Variants in TMEM187 observed in about 807,000 individuals in gnomAD.
The protein encoded by TMEM187 is chromosome X open reading frame 12.
In TMEM187, 14 loss-of-function variants were observed where a neutral mutation model predicts 11.8. The observed-to-expected ratio is 1.18, with a 90% confidence interval of 0.78 to 1.85. The LOEUF is 1.85. TMEM187 is among the 40% of genes most tolerant of loss of function. The pLI is 0.00. For synonymous variants in TMEM187, 112 were observed against 118.5 expected (o/e 0.95, Z 0.36); for missense variants, 227 against 243.9 (o/e 0.93, Z 0.46).
At chrX:153,979,790 G>T (rs2065592266) in intron 1 of TMEM187, among the ~76,000 whole-genome samples, 1 of 97,604 alleles carries the variant, frequency 1.0e-5, no homozygotes, top group Admixed American at 1.1e-4. Context: ...AGGTTGGAGT[G>T]CAGTGGCGCG....
intron 1 of TMEM187, among the ~76,000 whole-genome samples, chrX:153,976,813 A>G (rs782193443): frequency 3.6e-5 from 4 of 111,962 alleles, no homozygotes; most frequent in Non-Finnish European, 7.5e-5. Flanking sequence ...GTGAGCTGCA[A>G]TCACACCACT....
rs1557120844 is a variant in TMEM187, at chrX:153,972,850, G to A, written c.-224G>A. 2 of 112,406 alleles carry A rather than the reference G, an allele frequency of 1.8e-5. No individual in the cohort carries two copies. Among genetic ancestry groups the A allele is most frequent in the Admixed American group, 1.9e-4 (2 of 10,722 alleles). 9.3% of individuals were successfully genotyped at this position (112,406 alleles called of 1,213,427 possible). On this transcript the variant is annotated 5_prime_UTR_variant, in exon 1 of 2. Coordinates refer to ENST00000369982, the MANE Select transcript of TMEM187 (RefSeq NM_003492.3). ...CCGTATGGTGATAGCTGGCCTTTTCGCGCCAATACTGTAAGTGCTCACCGC... is the reference window on the plus strand; with the variant it reads ...CCGTATGGTGATAGCTGGCCTTTTCACGCCAATACTGTAAGTGCTCACCGC...
chrX:153,982,659 C>T lies in TMEM187; in HGVS notation c.597C>T (p.Leu199=). The T allele has an allele frequency of 8.2e-7, 1 of 1,212,429 alleles. No homozygotes were observed. The highest frequency in any genetic ancestry group is 1.8e-5 in the South Asian group (1 of 57,045). ...TSATYLALGV[L]SCLGFVVLKL... ...CTACCTACTTAGCTTTGGGGGTGCT[C>T]TCTTGCCTGGGCTTTGTGGTCCTCA... The change falls in exon 2 of 2, where the codon CTC becomes CTT. Residue 199 remains leucine, a synonymous_variant. Transcript: ENST00000369982.
chrX:153,975,086 A>G (rs2065572432), intron 1 of TMEM187, among the ~76,000 whole-genome samples: 2 of 112,039 alleles, frequency 1.8e-5, no homozygotes, highest in South Asian at 3.7e-4. Flanking sequence ...GCAGATGGAC[A>G]TTGCACCTCA....
In TMEM187 at chrX:153,974,464, G is replaced by A. The variant is rs781888830; in HGVS notation, c.-214+1604G>A. On this transcript the variant is annotated intron_variant, in intron 1 of 1. Coordinates refer to ENST00000369982, the MANE Select transcript of TMEM187 (RefSeq NM_003492.3). ...CAATGGCCAGGCGAAGTGGGCAAAG[G>A]GCTTCCAGGACAGAGCTGGGCCTGA... 2.7e-5 allele frequency among the ~76,000 whole-genome samples: 3 copies of A among 112,555 alleles called. No individual in the cohort carries two copies. The South Asian group carries it at 1.1e-3, about 41-fold the overall frequency.
chrX:153,980,409 G>A (rs1260853321), intron 1 of TMEM187, among the ~76,000 whole-genome samples: 4 of 111,926 alleles, frequency 3.6e-5, no homozygotes, highest in African/African-American at 9.8e-5. Context: ...AAGAAGCCAC[G>A]TGGAAGCCCT....
rs1557122832 is a variant in TMEM187 at position 153,982,727 on chromosome X, G to C, written c.665G>C (p.Cys222Ser). 1 of 1,212,298 alleles carries C rather than the reference G, an allele frequency of 8.2e-7. No homozygotes were observed. Among genetic ancestry groups the C allele is most frequent in the Non-Finnish European group, 1.1e-6 (1 of 895,659 alleles). ...CTCGCACGGTGGCGTCTCTTCCAGT[G>C]CCTCACAGGCCACTTCTGGTCCAAG... ...HQLARWRLFQ[C>S]LTGHFWSKVC... The change falls in exon 2 of 2, where the codon TGC becomes TCC. Residue 222 changes from cysteine (C) to serine (S), a missense_variant. Coordinates refer to ENST00000369982, the MANE Select transcript of TMEM187 (RefSeq NM_003492.3).
chrX:153,973,894 A>G (rs1408634584), intron 1 of TMEM187, among the ~76,000 whole-genome samples: 1 of 112,093 alleles, frequency 8.9e-6, no homozygotes, highest in Non-Finnish European at 1.9e-5. Flanking sequence ...CGCGTGCGGG[A>G]GAGTCTGGGG....
intron 1 of TMEM187, among the ~76,000 whole-genome samples, chrX:153,978,337 T>C (rs1557121776): frequency 1.9e-5 from 2 of 105,402 alleles, no homozygotes. Flanking sequence ...GGCACGATCT[T>C]GGCTCACTGC....
chrX:153,979,228 T>TC (rs1435270520), intron 1 of TMEM187, among the ~76,000 whole-genome samples: 1 of 110,114 alleles, frequency 9.1e-6, no homozygotes, highest in African/African-American at 3.3e-5. Context: ...GCCTAGCTTT[T>TC]TTTTTTTTAG....
intron 1 of TMEM187, among the ~76,000 whole-genome samples, chrX:153,977,955 T>C (rs1036566243): frequency 2.0e-5 from 2 of 101,168 alleles, no homozygotes; most frequent in Admixed American, 1.1e-4. Context: ...CGGTGGCTCA[T>C]GCCTGTAATC....
chrX:153,974,805 A>G (rs1324681302), intron 1 of TMEM187, among the ~76,000 whole-genome samples: 1 of 112,303 alleles, frequency 8.9e-6, no homozygotes, highest in Non-Finnish European at 1.9e-5. Context: ...TTCAGAGGGC[A>G]ATGGGGCACC....
At chrX:153,979,911 ATTGT>A (rs781848563) in intron 1 of TMEM187, among the ~76,000 whole-genome samples, 9 of 105,969 alleles carry the variant, frequency 8.5e-5, no homozygotes, top group Non-Finnish European at 1.7e-4. Flanking sequence ...TATTTTTTGT[ATTGT>A]TTTAGTAGAG....
At position 153,981,830 on chromosome X, in the gene TMEM187, C is replaced by T; in HGVS notation, c.-213-20C>T. 1.8e-6 allele frequency: 1 copy of T among 545,750 alleles called. No homozygotes were observed. The highest frequency in any genetic ancestry group is 3.6e-5 in the Admixed American group (1 of 27,843). The allele number at this position is 545,750 out of a possible 1,213,427, so 45.0% of individuals were successfully genotyped here. A position where few individuals can be genotyped will look rare whatever the true frequency, so the allele number is the denominator to read the frequency against. On this transcript the variant is annotated intron_variant, in intron 1 of 1. Transcript: ENST00000369982. ...GGGGACGGTTTGTTTTCTAACCACA[C>T]TCCTTTTGTAACCACAAAGGAAAAA...
In TMEM187 at chrX:153,982,568, C is replaced by G. The variant is rs782810864; in HGVS notation, c.506C>G (p.Ala169Gly). 2 of 1,210,395 alleles carry G rather than the reference C, an allele frequency of 1.7e-6. No homozygotes were observed. Among genetic ancestry groups the G allele is most frequent in the South Asian group, 3.5e-5 (2 of 56,999 alleles). The change falls in exon 2 of 2, where the codon GCT becomes GGT. Residue 169 changes from alanine (A) to glycine (G), a missense_variant. By Grantham distance (60) the Ala-to-Gly change is moderately conservative. Transcript: ENST00000369982. Reference sequence around the variant, plus strand: ...CAGGGCTTCGAGGTCGCACTGGGTGCTCACGTGGTGGCCGCTGTGGGGCAG... The same window carrying G: ...CAGGGCTTCGAGGTCGCACTGGGTGGTCACGTGGTGGCCGCTGTGGGGCAG... ...HPQGFEVALG[A>G]HVVAAVGQAL...
In TMEM187 at chrX:153,979,600, C is replaced by T. The variant is rs1475685140; in HGVS notation, c.-213-2250C>T. Reference sequence around the variant, plus strand: ...GAAAATATAGGAACTGGACTTTCAACTTAAGAGGGGTTTAGCTGGGTGCAG... The same window carrying T: ...GAAAATATAGGAACTGGACTTTCAATTTAAGAGGGGTTTAGCTGGGTGCAG... On this transcript the variant is annotated intron_variant, in intron 1 of 1. Transcript: ENST00000369982. Among the ~76,000 whole-genome samples, 3 of 109,100 alleles carry T rather than the reference C, an allele frequency of 2.7e-5. No individual in the cohort carries two copies. In the Admixed American group the frequency reaches 2.9e-4, roughly 11 times the overall value. The allele number at this position is 109,100 out of a possible 115,157, so 94.7% of individuals were successfully genotyped here. A position where few individuals can be genotyped will look rare whatever the true frequency, so the allele number is the denominator to read the frequency against.
chrX:153,980,355 G>A (rs1485885329), intron 1 of TMEM187, among the ~76,000 whole-genome samples: 4 of 110,784 alleles, frequency 3.6e-5, no homozygotes, highest in African/African-American at 9.9e-5. Context: ...CAAGACCCCC[G>A]TGTCTAAATA....
rs1321644506 is a variant in TMEM187 at position 153,972,776 on chromosome X, C to G, written c.-298C>G. ...CGCACCGGCGCTGCTCGGATCCTCC[C>G]TTTTCGGAGATTTGAATTTCCCCCA... is the stretch of plus-strand genomic sequence containing the variant. On this transcript the variant is annotated 5_prime_UTR_variant, in exon 1 of 2. Transcript: ENST00000369982. 4 of 111,763 alleles carry G rather than the reference C, an allele frequency of 3.6e-5. No individual in the cohort carries two copies. The highest frequency in any genetic ancestry group is 9.3e-5 in the Admixed American group (1 of 10,711). 9.2% of individuals were successfully genotyped at this position (111,763 alleles called of 1,213,427 possible). A position where few individuals can be genotyped will look rare whatever the true frequency, so the allele number is the denominator to read the frequency against.
At position 153,982,180 on chromosome X, in the gene TMEM187, T is replaced by C. The variant is rs2065605489; in HGVS notation, c.118T>C (p.Tyr40His). ...TTCCGTGCAAGTGGGCTATGAGCAC[T>C]ACGCCGAGGCGCCCGTGGCCGGCCT... Reference protein sequence around the residue: ...SVSVQVGYEHYAEAPVAGLPA... With the variant: ...SVSVQVGYEHHAEAPVAGLPA... Residue 40 changes from tyrosine (Y) to histidine (H), a missense_variant, in exon 2 of 2, where the codon TAC (tyrosine) becomes CAC (histidine). By Grantham distance (83) the Tyr-to-His change is moderately conservative (BLOSUM62 2). Transcript: ENST00000369982. 1 of 1,211,692 alleles carries C rather than the reference T, an allele frequency of 8.3e-7. No homozygotes were observed. The highest frequency in any genetic ancestry group is 1.8e-5 in the South Asian group (1 of 57,014).
Sources: allele counts gnomAD v4.1 joint callset (sites outside exome capture counted in the v4.1 genomes callset), GRCh38; gene constraint gnomAD v4.1.1; transcripts MANE v1.5; gene names NCBI Gene and HGNC (gene_info 2026-07-23, HGNC 2026-07-21).